The following PTPRD variants were observed in gnomAD, a reference collection of about 807,000 sequenced individuals.
PTPRD encodes protein tyrosine phosphatase receptor type D.
In PTPRD, 34 loss-of-function variants were observed where a neutral mutation model predicts 214.5. The ratio of observed to expected loss-of-function variants is 0.16; its 90% confidence interval spans 0.12 to 0.21. The LOEUF (loss-of-function observed/expected upper bound fraction) is 0.21, where lower values mean the gene tolerates loss of function less well. Among genes scored for constraint, PTPRD ranks in the 10% least tolerant of loss-of-function variants. The pLI is 1.00. For synonymous variants in PTPRD, 1,128 were observed against 845.7 expected (o/e 1.33, Z -5.79); for missense variants, 2,545 against 2,398.7 (o/e 1.06, Z -1.27).
In PTPRD at chr9:9,613,135, C is replaced by CATATATATATATAT. The variant is rs67735335; in HGVS notation, c.-286-38368_-286-38355dup. ...AGCTAGGCTGCAGTATACATACATA[C>CATATATATATATAT]ATATATATATATATATATATATATA... On this transcript the variant is annotated intron_variant, in intron 7 of 45. Coordinates refer to ENST00000381196, the MANE Select transcript of PTPRD (RefSeq NM_002839.4). Among the ~76,000 whole-genome samples the CATATATATATATAT allele has an allele frequency of 3.3e-3, 156 of 47,708 alleles. 11 individuals are homozygous for CATATATATATATAT. The highest frequency in any genetic ancestry group is 0.01 in the African/African-American group (116 of 11,406). The allele number at this position is 47,708 out of a possible 152,430, so 31.3% of individuals were successfully genotyped here.
At chr9:8,455,450 A>G (rs535816453) in intron 33 of PTPRD, among the ~76,000 whole-genome samples, 2 of 152,340 alleles carry the variant, frequency 1.3e-5, no homozygotes, top group African/African-American at 4.8e-5. Context: ...CCTGAAAACA[A>G]TTAATCTAAA....
rs552924750 is a variant in PTPRD, at chr9:9,578,544, CAAT to C, written c.-286-3766_-286-3764del. Among the ~76,000 whole-genome samples, 312 of 151,862 alleles carry C rather than the reference CAAT, an allele frequency of 2.1e-3. 1 individual carries two copies. Among genetic ancestry groups the C allele is most frequent in the African/African-American group, 6.8e-3 (280 of 41,434 alleles). ...AACCTAAAAATTGGAAAATCATTTT[CAAT>C]AATAATTTTAAATAATTATAAATAC... On this transcript the variant is annotated intron_variant, in intron 7 of 45. Coordinates refer to ENST00000381196, the MANE Select transcript of PTPRD (RefSeq NM_002839.4).
chr9:10,377,235 T>G (rs1377011618), intron 2 of PTPRD, among the ~76,000 whole-genome samples: 1 of 152,038 alleles, frequency 6.6e-6, no homozygotes, highest in Non-Finnish European at 1.5e-5. Context: ...TGACAGGATC[T>G]CATTCTTTTT....
At chr9:10,482,031 A>T (rs535434138) in intron 2 of PTPRD, among the ~76,000 whole-genome samples, 3 of 152,246 alleles carry the variant, frequency 2.0e-5, no homozygotes, top group African/African-American at 7.2e-5. Context: ...AAGAGGAAAG[A>T]AATATAAAAA....
intron 7 of PTPRD, among the ~76,000 whole-genome samples, chr9:9,628,001 C>T (rs976996743): frequency 5.9e-5 from 9 of 152,124 alleles, no homozygotes; most frequent in African/African-American, 1.9e-4. Context: ...TACTCTTCAA[C>T]AACTGCTTCA....
At chr9:9,812,689 G>A (rs1004308012) in intron 5 of PTPRD, among the ~76,000 whole-genome samples, 1 of 151,942 alleles carries the variant, frequency 6.6e-6, no homozygotes, top group African/African-American at 2.4e-5. Flanking sequence ...AGGACTGAAA[G>A]GAAAAATAGT....
intron 30 of PTPRD, among the ~76,000 whole-genome samples, chr9:8,475,797 G>T (rs968098365): frequency 2.0e-5 from 3 of 151,970 alleles, no homozygotes; most frequent in African/African-American, 7.2e-5. Flanking sequence ...TCCAGTGCAC[G>T]TGCTTTTCTC....
intron 10 of PTPRD, among the ~76,000 whole-genome samples, chr9:9,059,864 A>G (rs956241984): frequency 3.3e-5 from 5 of 152,186 alleles, no homozygotes; most frequent in African/African-American, 4.8e-5. Context: ...TAGGACCCCT[A>G]CAAATAAAAT....
At chr9:9,246,969 G>A (rs1476285776) in intron 9 of PTPRD, among the ~76,000 whole-genome samples, 1 of 145,052 alleles carries the variant, frequency 6.9e-6, no homozygotes, top group Admixed American at 6.9e-5. Flanking sequence ...ACCTTCTCCT[G>A]CCCTTCTGTC....
At chr9:9,811,581 C>G (rs1363994425) in intron 5 of PTPRD, among the ~76,000 whole-genome samples, 1 of 152,046 alleles carries the variant, frequency 6.6e-6, no homozygotes, top group Non-Finnish European at 1.5e-5. Context: ...GTGGCAGGCG[C>G]CTGTAGTCCC....
chr9:10,603,081 C>T (rs375661992), intron 2 of PTPRD, among the ~76,000 whole-genome samples: 3 of 151,728 alleles, frequency 2.0e-5, no homozygotes, highest in East Asian at 1.9e-4. Flanking sequence ...TAAAATCTGA[C>T]GCCAAGAGGC....
At chr9:8,466,884 G>A (rs1381927152) in intron 31 of PTPRD, among the ~76,000 whole-genome samples, 1 of 151,746 alleles carries the variant, frequency 6.6e-6, no homozygotes, top group Non-Finnish European at 1.5e-5. Flanking sequence ...TCTCTACTTA[G>A]TAGAATGAGA....
intron 8 of PTPRD, among the ~76,000 whole-genome samples, chr9:9,538,403 A>G (rs964114254): frequency 6.6e-6 from 1 of 151,996 alleles, no homozygotes; most frequent in African/African-American, 2.4e-5. Context: ...ATATATATGT[A>G]TATATTTAGT....
At chr9:8,869,808 G>T (rs951128966) in intron 11 of PTPRD, among the ~76,000 whole-genome samples, 1 of 151,778 alleles carries the variant, frequency 6.6e-6, no homozygotes, top group Non-Finnish European at 1.5e-5. Context: ...CTGCACAGCT[G>T]GTTTATTCTT....
intron 10 of PTPRD, among the ~76,000 whole-genome samples, chr9:9,147,613 A>G (rs1389548497): frequency 2.0e-5 from 3 of 152,192 alleles, no homozygotes; most frequent in South Asian, 4.1e-4. Context: ...GAACACAGCC[A>G]TAATTATTTG....
intron 14 of PTPRD, among the ~76,000 whole-genome samples, chr9:8,549,832 G>A (rs1480454577): frequency 6.6e-6 from 1 of 152,242 alleles, no homozygotes; most frequent in East Asian, 1.9e-4. Flanking sequence ...ACAAAAGAAA[G>A]ATACTATTCT....
chr9:9,352,527 G>C (rs1471056506), intron 9 of PTPRD, among the ~76,000 whole-genome samples: 1 of 151,572 alleles, frequency 6.6e-6, no homozygotes, highest in Admixed American at 6.6e-5. Flanking sequence ...TTGGCTTCTG[G>C]AGTTAGTCCA....
chr9:8,487,868 C>T (rs1288959755), intron 27 of PTPRD, among the ~76,000 whole-genome samples: 2 of 151,194 alleles, frequency 1.3e-5, no homozygotes, highest in Non-Finnish European at 2.9e-5. Context: ...GACCTTATCT[C>T]TACGGGGGGA....
chr9:10,026,853 TAGTG>T (rs2096932274), intron 4 of PTPRD, among the ~76,000 whole-genome samples: 2 of 150,990 alleles, frequency 1.3e-5, no homozygotes, highest in South Asian at 4.2e-4. Flanking sequence ...ACACTTGGTT[TAGTG>T]AGTGTCTTTC....
Sources: gnomAD v4.1 joint callset for allele counts (sites outside exome capture counted in the v4.1 genomes callset) on GRCh38, gnomAD v4.1.1 for gene constraint, MANE v1.5 for transcripts, NCBI Gene and HGNC (gene_info 2026-07-23, HGNC 2026-07-21) for gene names.